Variants in FARP2 observed in about 807,000 individuals in gnomAD.
FARP2 encodes FERM, ARH/RhoGEF and pleckstrin domain protein 2, also known as FERM, ARHGEF and pleckstrin domain-containing protein 2.
A neutral mutation model predicts 130.5 loss-of-function variants in FARP2; 111 were observed. The observed-to-expected ratio is 0.85, with a 90% CI of 0.73 to 1.00. FARP2 has a LOEUF of 1.00. FARP2 is among the 50% of genes least tolerant of loss of function. FARP2 has a pLI of 0.00. For synonymous variants in FARP2, 504 were observed against 516.9 expected (o/e 0.98, Z 0.34); for missense variants, 1,385 against 1,346.3 (o/e 1.03, Z -0.45).
chr2:241,423,088 A>G (rs564719970), intron 8 of FARP2, among the ~76,000 whole-genome samples: 3 of 152,346 alleles, frequency 2.0e-5, no homozygotes, highest in Admixed American at 6.5e-5. Context: ...ACAGGCTAAT[A>G]TTCAAATTCA....
At chr2:241,465,746 TGACGACGAC>T (rs746755049) in intron 17 of FARP2, 2 of 1,550,718 alleles carry the variant, frequency 1.3e-6, no homozygotes, top group Admixed American at 2.0e-5. Context: ...TGAGCCACAG[TGACGACGAC>T]GACTCAAGCT....
intron 12 of FARP2, among the ~76,000 whole-genome samples, chr2:241,437,654 A>ATTTTTTTTTTTT (rs1240929706): frequency 7.3e-6 from 1 of 136,644 alleles, no homozygotes; most frequent in African/African-American, 2.6e-5. Flanking sequence ...ATATATATTT[A>ATTTTTTTTTTTT]TTTATTTATT....
intron 21 of FARP2, among the ~76,000 whole-genome samples, chr2:241,485,020 G>A (rs1013352501): frequency 1.3e-5 from 2 of 152,218 alleles, no homozygotes; most frequent in East Asian, 3.9e-4. Context: ...AAGGACAGGG[G>A]CTCTAATCCC....
chr2:241,473,927 CAAT>C (rs1162740347), intron 18 of FARP2, among the ~76,000 whole-genome samples: 1 of 152,150 alleles, frequency 6.6e-6, no homozygotes, highest in Non-Finnish European at 1.5e-5. Flanking sequence ...TTTTCTTTGT[CAAT>C]GATGATCTCT....
intron 14 of FARP2, among the ~76,000 whole-genome samples, chr2:241,461,105 C>G (rs2064004969): frequency 6.6e-6 from 1 of 152,170 alleles, no homozygotes; most frequent in Non-Finnish European, 1.5e-5. Flanking sequence ...CAGCTACTTG[C>G]TCACTTGCAA....
intron 6 of FARP2, among the ~76,000 whole-genome samples, chr2:241,411,904 C>T (rs1026862443): frequency 2.0e-5 from 3 of 152,150 alleles, no homozygotes; most frequent in East Asian, 1.9e-4. Flanking sequence ...CACCAGGGGA[C>T]GTGTTGATTA....
chr2:241,382,963 G>A (rs997721513), intron 2 of FARP2, among the ~76,000 whole-genome samples: 3 of 152,172 alleles, frequency 2.0e-5, no homozygotes, highest in African/African-American at 7.2e-5. Context: ...AATACATTGT[G>A]TTGGAAGTAA....
chr2:241,368,909 G>C (rs539559062), intron 1 of FARP2, among the ~76,000 whole-genome samples: 1 of 152,112 alleles, frequency 6.6e-6, no homozygotes, highest in East Asian at 1.9e-4. Context: ...ATTATTAAAC[G>C]GATAGTTTAT....
Position 241,491,152 on chromosome 2 carries a change from G to A in FARP2, c.2596G>A (p.Gly866Ser). ...CGGTGACACGGCCCCTGCACTGCCAGGCCGCACTGTGTGCACTCGTCCCCC... is the reference window on the plus strand; with the variant it reads ...CGGTGACACGGCCCCTGCACTGCCAAGCCGCACTGTGTGCACTCGTCCCCC... The part of the protein sequence containing the change: ...SGGDTAPALP[G>S]RTVCTRPPRS... The change falls in exon 23 of 27, where the codon GGC becomes AGC. Residue 866 changes from glycine (G) to serine (S), a missense_variant. Coordinates refer to ENST00000264042, the MANE Select transcript of FARP2 (RefSeq NM_014808.4). 1 of 1,613,074 alleles carries A rather than the reference G, an allele frequency of 6.2e-7. No homozygotes were observed.
At chr2:241,435,754 AC>A (rs1184178009) in intron 11 of FARP2, among the ~76,000 whole-genome samples, 1 of 143,690 alleles carries the variant, frequency 7.0e-6, no homozygotes, top group East Asian at 2.2e-4. Context: ...CTCATGATCC[AC>A]CCGCCTCGGC....
chr2:241,493,554 G>A (rs2065009855), intron 26 of FARP2, 110 bp downstream of exon 26: 1 of 940,104 alleles, frequency 1.1e-6, no homozygotes, highest in Non-Finnish European at 1.6e-6. Context: ...GAAAGGAAGG[G>A]CTGAGCAATG....
In FARP2 at chr2:241,491,633, A is replaced by G; in HGVS notation, c.2741A>G (p.Tyr914Cys). 2 of 1,613,378 alleles carry G rather than the reference A, an allele frequency of 1.2e-6. No individual in the cohort carries two copies. Among genetic ancestry groups the G allele is most frequent in the Non-Finnish European group, 1.7e-6 (2 of 1,179,790 alleles). Residue 914 changes from tyrosine (Y) to cysteine (C), a missense_variant, in exon 24 of 27, where the codon TAC (tyrosine) becomes TGC (cysteine). Transcript: ENST00000264042. ...RANTTMHVCW[Y>C]RNTSVSRADH... is the part of the protein sequence containing the mutation. ...AACACCACAATGCACGTGTGCTGGT[A>G]CCGGAACACCAGCGTGTCCAGGGCA...
chr2:241,361,060 C>G (rs2061175414), intron 1 of FARP2, among the ~76,000 whole-genome samples: 2 of 151,504 alleles, frequency 1.3e-5, no homozygotes, highest in Admixed American at 1.3e-4. Flanking sequence ...CTTAGGCACA[C>G]AGAATTGTAC....
intron 2 of FARP2, among the ~76,000 whole-genome samples, chr2:241,388,842 A>G (rs891499190): frequency 6.6e-6 from 1 of 151,592 alleles, no homozygotes; most frequent in African/African-American, 2.4e-5. Context: ...AAATATCTCT[A>G]ATGCTATGGA....
chr2:241,441,923 T>TG, intron 13 of FARP2: 1 of 375,056 alleles, frequency 2.7e-6, no homozygotes, highest in East Asian at 6.7e-5. Flanking sequence ...CAGCCTCTGG[T>TG]GGCCCCTCCT....
chr2:241,417,609 C>T (rs2062708913), intron 7 of FARP2, among the ~76,000 whole-genome samples: 1 of 150,382 alleles, frequency 6.6e-6, no homozygotes, highest in East Asian at 2.0e-4. Flanking sequence ...AGGCGTCAGC[C>T]ACTGTGCCCG....
At chr2:241,410,640 G>C (rs992130493) in intron 5 of FARP2, among the ~76,000 whole-genome samples, 6 of 152,076 alleles carry the variant, frequency 3.9e-5, no homozygotes, top group Non-Finnish European at 7.4e-5. Context: ...GTGTTGGTCA[G>C]GCTGGTCTCG....
rs1395905609 is a variant in FARP2 at position 241,413,301 on chromosome 2, T to G, written c.509-6T>G. 2 of 1,582,032 alleles carry G rather than the reference T, an allele frequency of 1.3e-6. No individual in the cohort carries two copies. Among genetic ancestry groups the G allele is most frequent in the South Asian group, 2.3e-5 (2 of 87,356 alleles). ...AAATTAGTTACTTACTTTTAACCTATCTCAGCGGAAATAGGAGATTACGAT... is the reference window on the plus strand; with the variant it reads ...AAATTAGTTACTTACTTTTAACCTAGCTCAGCGGAAATAGGAGATTACGAT... On this transcript the variant is annotated splice_region_variant and splice_polypyrimidine_tract_variant and intron_variant, in intron 6 of 26. Transcript: ENST00000264042.
chr2:241,365,064 T>A (rs2061274327), intron 1 of FARP2, among the ~76,000 whole-genome samples: 1 of 152,186 alleles, frequency 6.6e-6, no homozygotes, highest in Non-Finnish European at 1.5e-5. Flanking sequence ...CAGGATTTCA[T>A]AAAGTAGGAG....
Sources: gnomAD v4.1 joint callset for allele counts (sites outside exome capture counted in the v4.1 genomes callset) on GRCh38, gnomAD v4.1.1 for gene constraint, MANE v1.5 for transcripts, NCBI Gene and HGNC (gene_info 2026-07-23, HGNC 2026-07-21) for gene names.